Variants in FAM185A observed in about 807,000 individuals in gnomAD.
FAM185A encodes the protein protein FAM185A.
In FAM185A, 21 loss-of-function variants were observed where a neutral mutation model predicts 45.7. That is an observed-to-expected ratio of 0.46 (90% CI 0.33 to 0.66). The LOEUF is 0.66. FAM185A is among the 30% of genes least tolerant of loss of function. The probability of loss-of-function intolerance (pLI) is 0.03; values close to 1 mark genes in which losing one functional copy is unlikely to be tolerated. For missense variants in FAM185A, 305 were observed against 485.4 expected (o/e 0.63, Z 3.49); for synonymous variants, 117 against 194.0 (o/e 0.60, Z 3.30).
intron 7 of FAM185A, among the ~76,000 whole-genome samples, chr7:102,806,047 A>G (rs1432591495): frequency 2.6e-5 from 4 of 152,190 alleles, no homozygotes; most frequent in Non-Finnish European, 4.4e-5. Context: ...TTTTTGAGAA[A>G]CAACTCAGAG....
chr7:102,783,009 G>A (rs554358213), intron 6 of FAM185A, among the ~76,000 whole-genome samples: 3,606 of 151,802 alleles, frequency 0.024, 64 homozygotes, highest in Non-Finnish European at 0.036. Flanking sequence ...CCTAGTCTCT[G>A]ATAAAACAGA....
At chr7:102,799,145 A>T (rs1018651770) in intron 7 of FAM185A, among the ~76,000 whole-genome samples, 3 of 152,230 alleles carry the variant, frequency 2.0e-5, no homozygotes, top group Non-Finnish European at 4.4e-5. Flanking sequence ...AATGCAGCAT[A>T]GGCACAGAAA....
In FAM185A at chr7:102,749,423, C is replaced by T. The variant is rs1793197990; in HGVS notation, c.216C>T (p.Ser72=). ...TGAAGGAGTGGACACTGCAGGTGAG[C>T]CCGTTTGGTCGGCTGCGGGCGCGGC... The part of the protein sequence containing the change: ...RTLKEWTLQV[S]PFGRLRARLP... Residue 72 remains serine (S), a synonymous_variant, in exon 1 of 8, where the codon AGC becomes AGT. Transcript: ENST00000413034. 1 of 1,548,250 alleles carries T rather than the reference C, an allele frequency of 6.5e-7. No homozygotes were observed. Among genetic ancestry groups the T allele is most frequent in the Non-Finnish European group, 8.7e-7 (1 of 1,146,334 alleles).
intron 5 of FAM185A, among the ~76,000 whole-genome samples, chr7:102,776,493 C>T (rs1467683329): frequency 6.6e-6 from 1 of 151,858 alleles, no homozygotes; most frequent in Non-Finnish European, 1.5e-5. Context: ...TTTTCTTATC[C>T]TCACTTAAAG....
chr7:102,761,269 C>G lies in FAM185A; in HGVS notation c.655-4C>G. 2 of 1,532,346 alleles carry G rather than the reference C, an allele frequency of 1.3e-6. No individual in the cohort carries two copies. Among genetic ancestry groups the G allele is most frequent in the Non-Finnish European group, 1.8e-6 (2 of 1,140,836 alleles). 94.9% of individuals were successfully genotyped at this position (1,532,346 alleles called of 1,614,324 possible). On this transcript the variant is annotated splice_polypyrimidine_tract_variant and splice_region_variant and intron_variant, in intron 3 of 7. Coordinates refer to ENST00000413034, the MANE Select transcript of FAM185A (RefSeq NM_001145268.2). ...AATGAACTGATTAGTCTTTCTCTTA[C>G]TAGGCTGTGACCATAGATAAACTGC...
At chr7:102,767,801 T>A (rs1794504335) in intron 4 of FAM185A, among the ~76,000 whole-genome samples, 1 of 150,532 alleles carries the variant, frequency 6.6e-6, no homozygotes, top group Non-Finnish European at 1.5e-5. Context: ...TCTTCCCCAG[T>A]CCCTGAACGT....
At chr7:102,776,499 T>TA (rs1443544139) in intron 5 of FAM185A, among the ~76,000 whole-genome samples, 1 of 152,088 alleles carries the variant, frequency 6.6e-6, no homozygotes, top group African/African-American at 2.4e-5. Flanking sequence ...TATCCTCACT[T>TA]AAAGATACCT....
At chr7:102,816,006 C>G in the FAM185A span, among the ~76,000 whole-genome samples, 4 of 152,130 alleles carry the variant, frequency 2.6e-5, no homozygotes, top group African/African-American at 9.7e-5. Flanking sequence ...GGGACAGAAT[C>G]GAAATGAGCT....
chr7:102,849,733 G>A, the FAM185A span, among the ~76,000 whole-genome samples: 1 of 152,142 alleles, frequency 6.6e-6, no homozygotes, highest in African/African-American at 2.4e-5. Flanking sequence ...TAATTGGGCT[G>A]GAGGAGGCAA....
the FAM185A span, among the ~76,000 whole-genome samples, chr7:102,823,926 T>C: frequency 6.6e-6 from 1 of 152,046 alleles, no homozygotes; most frequent in Non-Finnish European, 1.5e-5. Flanking sequence ...ACTAGGTTGA[T>C]CTCTGAGGAT....
chr7:102,774,616 T>A (rs1470302703), intron 5 of FAM185A, among the ~76,000 whole-genome samples: 1 of 152,180 alleles, frequency 6.6e-6, no homozygotes, highest in Non-Finnish European at 1.5e-5. Flanking sequence ...CCTTGTTTGC[T>A]TAAAAGTTTC....
intron 6 of FAM185A, among the ~76,000 whole-genome samples, chr7:102,785,019 A>G (rs998523259): frequency 6.6e-6 from 1 of 151,170 alleles, no homozygotes; most frequent in Non-Finnish European, 1.5e-5. Flanking sequence ...AAAAATCACA[A>G]GCATTCTTAT....
At chr7:102,813,393 T>A (rs141623741), downstream of FAM185A, 4 of 1,614,146 alleles carry the variant, frequency 2.5e-6, no homozygotes, top group Middle Eastern at 3.3e-4. Flanking sequence ...CTGTTAATTC[T>A]AAGGCTCCTT....
At chr7:102,849,431 T>C in the FAM185A span, among the ~76,000 whole-genome samples, 1 of 152,196 alleles carries the variant, frequency 6.6e-6, no homozygotes, top group Non-Finnish European at 1.5e-5. Context: ...TGTTCACAAC[T>C]CTTGCAAAAC....
chr7:102,834,090 G>GGAAGGAGGAAGGA, the FAM185A span, among the ~76,000 whole-genome samples: 1 of 70,490 alleles, frequency 1.4e-5, no homozygotes, highest in East Asian at 3.8e-4. Context: ...GGAAAGAAAA[G>GGAAGGAGGAAGGA]AAAGAAAGAA....
In FAM185A at chr7:102,797,145, G is replaced by A. The variant is rs186529464; in HGVS notation, c.1066+9676G>A. On this transcript the variant is annotated intron_variant, in intron 7 of 7. Coordinates refer to ENST00000413034, the MANE Select transcript of FAM185A (RefSeq NM_001145268.2). ...TCAAGGTATCTTGGGTTACACTTTTGTTGAGAGAAGATTGTAAAAAGTTAA... is the reference window on the plus strand; with the variant it reads ...TCAAGGTATCTTGGGTTACACTTTTATTGAGAGAAGATTGTAAAAAGTTAA... 3.9e-5 allele frequency among the ~76,000 whole-genome samples: 6 copies of A among 152,294 alleles called. 1 individual carries two copies. The highest frequency in any genetic ancestry group is 3.9e-4 in the Admixed American group (6 of 15,298).
At chr7:102,769,473 A>G (rs1262194759) in intron 4 of FAM185A, among the ~76,000 whole-genome samples, 1 of 152,000 alleles carries the variant, frequency 6.6e-6, no homozygotes, top group Non-Finnish European at 1.5e-5. Flanking sequence ...ATTATTAAAG[A>G]CTAGTGTAAA....
At chr7:102,831,431 A>ACACACACC in the FAM185A span, among the ~76,000 whole-genome samples, 235 of 147,226 alleles carry the variant, frequency 1.6e-3, 1 homozygote, top group African/African-American at 5.2e-3. Context: ...ACACACACAC[A>ACACACACC]CCCCACTACA....
the FAM185A span, among the ~76,000 whole-genome samples, chr7:102,825,481 T>C: frequency 6.6e-6 from 1 of 152,226 alleles, no homozygotes; most frequent in African/African-American, 2.4e-5. Context: ...GACCTTGGAC[T>C]TCCCAGCCTC....
Sources: allele counts gnomAD v4.1 joint callset (sites outside exome capture counted in the v4.1 genomes callset), GRCh38; gene constraint gnomAD v4.1.1; transcripts MANE v1.5; gene names NCBI Gene and HGNC (gene_info 2026-07-23, HGNC 2026-07-21).